Variants in EPB41L3 observed in about 807,000 individuals in gnomAD.
EPB41L3 encodes band 4.1-like protein 3.
In EPB41L3, 57 loss-of-function variants were observed where a neutral mutation model predicts 127.1. That is an observed-to-expected ratio of 0.45 (90% CI 0.36 to 0.56). The LOEUF is 0.56. EPB41L3 is among the 20% of genes least tolerant of loss of function. EPB41L3 has a pLI of 0.00. For synonymous variants in EPB41L3, 572 were observed against 549.5 expected, an observed-to-expected ratio of 1.04 and a Z score of -0.57; for missense variants, 1,273 against 1,372.2, an observed-to-expected ratio of 0.93 and a Z score of 1.14.
At position 5,469,190 on chromosome 18, in the gene EPB41L3, CAAG is replaced by C. The variant is rs1049619702; in HGVS notation, c.381+9048_381+9050del. Among the ~76,000 whole-genome samples the C allele has an allele frequency of 8.5e-5, 13 of 152,256 alleles. No homozygotes were observed. The East Asian group carries it at 2.3e-3, about 27-fold the overall frequency. ...CTATTCCTCGCCACACTGGGGGTGACAAGAAGGAGAGAAGGGCTGCACCCCTTC... is the reference window on the plus strand; with the variant it reads ...CTATTCCTCGCCACACTGGGGGTGACAAGGAGAGAAGGGCTGCACCCCTTC... On this transcript the variant is annotated intron_variant, in intron 3 of 22. Transcript: ENST00000341928.
At chr18:5,542,663 A>G (rs1285450812) in intron 1 of EPB41L3, among the ~76,000 whole-genome samples, 2 of 152,162 alleles carry the variant, frequency 1.3e-5, no homozygotes, top group Admixed American at 6.5e-5. Flanking sequence ...TTATCATTCT[A>G]TTTGTTCTGT....
At chr18:5,560,943 ATT>A (rs1422402585) in intron 3 of EPB41L3, among the ~76,000 whole-genome samples, 1 of 486 alleles carries the variant, frequency 2.1e-3, no homozygotes, top group South Asian at 0.062. Context: ...AGTTGTAATT[ATT>A]TATTTATTTA....
chr18:5,451,739 G>A (rs1406820729), intron 3 of EPB41L3, among the ~76,000 whole-genome samples: 1 of 152,210 alleles, frequency 6.6e-6, no homozygotes, highest in Non-Finnish European at 1.5e-5. Flanking sequence ...TTAAACTAGT[G>A]GTTTTCAACA....
intron 14 of EPB41L3, among the ~76,000 whole-genome samples, chr18:5,408,345 C>G (rs535180502): frequency 6.7e-6 from 1 of 148,944 alleles, no homozygotes; most frequent in South Asian, 2.1e-4. Context: ...GTGATCTCGG[C>G]TCACTGCAAC....
chr18:5,404,585 A>C (rs192102859), intron 16 of EPB41L3, among the ~76,000 whole-genome samples: 12 of 152,314 alleles, frequency 7.9e-5, no homozygotes, highest in Non-Finnish European at 1.3e-4. Flanking sequence ...GGCTTATCAA[A>C]TGTTAATTCT....
At chr18:5,442,631 A>C (rs2080943628) in intron 5 of EPB41L3, among the ~76,000 whole-genome samples, 1 of 152,228 alleles carries the variant, frequency 6.6e-6, no homozygotes, top group African/African-American at 2.4e-5. Context: ...TGTTCTTATT[A>C]ATAAACTGCT....
chr18:5,430,949 A>G (rs2145679013), intron 8 of EPB41L3, among the ~76,000 whole-genome samples: 1 of 152,272 alleles, frequency 6.6e-6, no homozygotes, highest in African/African-American at 2.4e-5. Flanking sequence ...TCCCTTTAGC[A>G]AGGAGCACTG....
At chr18:5,460,581 A>G (rs1448525289) in intron 3 of EPB41L3, among the ~76,000 whole-genome samples, 6 of 152,262 alleles carry the variant, frequency 3.9e-5, no homozygotes, top group Admixed American at 1.3e-4. Context: ...ATGAATCATT[A>G]CTTAATGGTT....
At chr18:5,511,401 T>G (rs901481056) in intron 1 of EPB41L3, among the ~76,000 whole-genome samples, 2 of 135,894 alleles carry the variant, frequency 1.5e-5, no homozygotes, top group Non-Finnish European at 3.1e-5. Flanking sequence ...GTTTTTTTTT[T>G]TTTTTTTTTT....
intron 1 of EPB41L3, 99 bp from the exon 2 acceptor site, chr18:5,489,293 C>T (rs368514555): frequency 7.2e-7 from 1 of 1,387,908 alleles, no homozygotes; most frequent in Non-Finnish European, 9.6e-7. Flanking sequence ...AAGAGAACCA[C>T]AGAGAGGGAG....
intron 3 of EPB41L3, among the ~76,000 whole-genome samples, chr18:5,465,342 A>G (rs1024952834): frequency 3.3e-5 from 5 of 152,246 alleles, no homozygotes; most frequent in Admixed American, 1.3e-4. Context: ...CAGGTTAAAC[A>G]ACAAATAAAC....
At chr18:5,579,007 A>ATGCTT (rs1440005672) in intron 3 of EPB41L3, among the ~76,000 whole-genome samples, 1 of 152,214 alleles carries the variant, frequency 6.6e-6, no homozygotes, top group Non-Finnish European at 1.5e-5. Context: ...AGACACCCAC[A>ATGCTT]TGCTTATCAA....
intron 1 of EPB41L3, among the ~76,000 whole-genome samples, chr18:5,615,182 C>T (rs546425930): frequency 5.3e-5 from 8 of 151,302 alleles, no homozygotes; most frequent in African/African-American, 1.9e-4. Flanking sequence ...AATTGAAATT[C>T]TCAGTGTATC....
chr18:5,399,109 C>A, intron 16 of EPB41L3: 1 of 399,146 alleles, frequency 2.5e-6, no homozygotes, highest in African/African-American at 2.1e-5. Context: ...TTCTCACCCT[C>A]TTTAGCTTTC....
At chr18:5,591,203 C>G (rs912418840) in intron 3 of EPB41L3, among the ~76,000 whole-genome samples, 1 of 152,202 alleles carries the variant, frequency 6.6e-6, no homozygotes, top group Non-Finnish European at 1.5e-5. Flanking sequence ...CTGCACACTT[C>G]AATGCCTCAC....
intron 1 of EPB41L3, among the ~76,000 whole-genome samples, chr18:5,532,535 C>G (rs572451837): frequency 1.3e-5 from 2 of 152,260 alleles, no homozygotes; most frequent in East Asian, 3.9e-4. Flanking sequence ...AAATGAGTAT[C>G]CTGCCTGGAC....
intron 2 of EPB41L3, among the ~76,000 whole-genome samples, chr18:5,613,524 G>A (rs528806762): frequency 6.6e-6 from 1 of 152,308 alleles, no homozygotes; most frequent in African/African-American, 2.4e-5. Context: ...AGGCCCATGG[G>A]TTTAGGGTAG....
intron 5 of EPB41L3, among the ~76,000 whole-genome samples, 178 bp from the exon 6 acceptor site, chr18:5,438,288 T>C (rs1380929811): frequency 6.6e-6 from 1 of 152,226 alleles, no homozygotes; most frequent in African/African-American, 2.4e-5. Flanking sequence ...TTGTCTAACT[T>C]CTAATCTTCT....
At chr18:5,476,185 C>T (rs1349179656) in intron 3 of EPB41L3, among the ~76,000 whole-genome samples, 3 of 152,132 alleles carry the variant, frequency 2.0e-5, no homozygotes, top group African/African-American at 7.2e-5. Context: ...TCTCCATCTT[C>T]TTCACAAAGA....
Sources: allele counts gnomAD v4.1 joint callset (sites outside exome capture counted in the v4.1 genomes callset), GRCh38; gene constraint gnomAD v4.1.1; transcripts MANE v1.5; gene names NCBI Gene and HGNC (gene_info 2026-07-23, HGNC 2026-07-21).